The following MAPKAP1 variants were observed in gnomAD, a reference collection of about 807,000 sequenced individuals.
The protein encoded by MAPKAP1 is MAPK associated protein 1.
MAPKAP1 carries 20 observed loss-of-function variants against 65.7 expected under a neutral mutation model. The ratio of observed to expected loss-of-function variants is 0.30; its 90% confidence interval spans 0.21 to 0.44. MAPKAP1 has a LOEUF of 0.44. Among genes scored for constraint, MAPKAP1 ranks in the 20% least tolerant of loss-of-function variants. The pLI is 1.00. For missense variants in MAPKAP1, 423 were observed against 648.0 expected (o/e 0.65, Z 3.77); for synonymous variants, 222 against 244.3 (o/e 0.91, Z 0.85).
rs1176486391 is a variant in MAPKAP1, at chr9:125,439,272, G to A, written c.1444-260C>T. ...CAGTCAGTGAGCGGCGAGCTCTTCA[G>A]GTTCCGGAGCCCATGCTCCCTCCTG... On this transcript the variant is annotated intron_variant, in intron 11 of 11. Transcript: ENST00000265960. The surrounding 1 kb of genome is among the most constrained non-coding windows in gnomAD (Gnocchi z 4.0). 6.6e-6 allele frequency among the ~76,000 whole-genome samples: 1 copy of A among 152,246 alleles called. No individual in the cohort carries two copies. The highest frequency in any genetic ancestry group is 1.5e-5 in the Non-Finnish European group (1 of 68,028).
At chr9:125,596,085 G>C in intron 4 of MAPKAP1, 1 of 1,027,360 alleles carries the variant, frequency 9.7e-7, no homozygotes, top group Non-Finnish European at 1.5e-6. Flanking sequence ...GACTGACCGA[G>C]GCAGTGGCAA....
intron 1 of MAPKAP1, among the ~76,000 whole-genome samples, chr9:125,682,758 C>T (rs1333970849): frequency 2.0e-5 from 3 of 152,036 alleles, no homozygotes; most frequent in South Asian, 2.1e-4. Context: ...GTGAAATTAC[C>T]GGTTTAGGAG....
chr9:125,559,604 C>T, intron 6 of MAPKAP1, 29 bp downstream of exon 6: 1 of 1,575,058 alleles, frequency 6.3e-7, no homozygotes, highest in Non-Finnish European at 8.7e-7. Flanking sequence ...GGATGAGATA[C>T]CGAGAGAAGT....
rs1589333671 is a variant in MAPKAP1 at position 125,605,670 on chromosome 9, T to G, written c.499-19943A>C. Among the ~76,000 whole-genome samples the G allele has an allele frequency of 3.9e-5, 6 of 152,016 alleles. No homozygotes were observed. In the South Asian group the frequency reaches 1.2e-3, roughly 32 times the overall value. On this transcript the variant is annotated intron_variant, in intron 4 of 11. Coordinates refer to ENST00000265960, the MANE Select transcript of MAPKAP1 (RefSeq NM_001006617.3). ...CCACCCTGCCACCCAGAGGCAGAGGTGTCAACTTTGCAGGTGCTGCAGTCA... is the reference window on the plus strand; with the variant it reads ...CCACCCTGCCACCCAGAGGCAGAGGGGTCAACTTTGCAGGTGCTGCAGTCA...
chr9:125,596,099 A>C, intron 4 of MAPKAP1: 1 of 913,632 alleles, frequency 1.1e-6, no homozygotes, highest in Non-Finnish European at 1.8e-6. Context: ...GTGGCAAGAA[A>C]AGGGGACTTG....
chr9:125,582,179 T>C (rs1040973887), intron 5 of MAPKAP1, among the ~76,000 whole-genome samples: 1 of 152,252 alleles, frequency 6.6e-6, no homozygotes, highest in African/African-American at 2.4e-5. Context: ...GTATTTTATA[T>C]TTCCAGTACT....
chr9:125,696,680 T>G (rs533490850), intron 1 of MAPKAP1, among the ~76,000 whole-genome samples: 1 of 152,274 alleles, frequency 6.6e-6, no homozygotes, highest in Admixed American at 6.5e-5. Context: ...CTGAGGACTT[T>G]CCAATGGTAG....
intron 4 of MAPKAP1, among the ~76,000 whole-genome samples, chr9:125,617,278 AAGGAGATCCTGTTGCTAC>A: frequency 6.6e-6 from 1 of 152,296 alleles, no homozygotes; most frequent in South Asian, 2.1e-4. Flanking sequence ...GAGGCAACAA[AAGGAGATCCTGTTGCTAC>A]AAAATTTTTT....
intron 1 of MAPKAP1, among the ~76,000 whole-genome samples, chr9:125,691,764 C>T (rs940468906): frequency 2.0e-5 from 3 of 152,124 alleles, no homozygotes; most frequent in Admixed American, 2.0e-4. Context: ...TAAGCTATTA[C>T]TTTCTTCACT....
intron 4 of MAPKAP1, among the ~76,000 whole-genome samples, chr9:125,648,411 C>A (rs997473727): frequency 2.0e-5 from 3 of 152,234 alleles, no homozygotes; most frequent in Non-Finnish European, 4.4e-5. Flanking sequence ...AATCACAAAA[C>A]TCTGGAATCT....
At chr9:125,527,632 A>C (rs1589259442) in intron 7 of MAPKAP1, among the ~76,000 whole-genome samples, 1 of 152,254 alleles carries the variant, frequency 6.6e-6, no homozygotes, top group East Asian at 1.9e-4. Flanking sequence ...TCTTTCACAC[A>C]CACCCACACG....
Position 125,448,133 on chromosome 9 carries a change from C to T in MAPKAP1, c.1346-3535G>A, listed in dbSNP as rs147075293. Among the ~76,000 whole-genome samples, 122 of 152,156 alleles carry T rather than the reference C, an allele frequency of 8.0e-4. 1 individual carries two copies. Among genetic ancestry groups the T allele is most frequent in the African/African-American group, 2.8e-3 (115 of 41,514 alleles). On this transcript the variant is annotated intron_variant, in intron 10 of 11. Coordinates refer to ENST00000265960, the MANE Select transcript of MAPKAP1 (RefSeq NM_001006617.3). ...GCCTGGAGGCGAGGTAAGCAGTTCC[C>T]GTAGTCAGCCAGGTAGGAGTGAGTG...
At chr9:125,603,831 G>A (rs1167720585) in intron 4 of MAPKAP1, among the ~76,000 whole-genome samples, 1 of 151,926 alleles carries the variant, frequency 6.6e-6, no homozygotes, top group Non-Finnish European at 1.5e-5. Context: ...CTGCTCTCTT[G>A]GGCAGACTCT....
chr9:125,671,590 T>TA (rs555000174), intron 2 of MAPKAP1, among the ~76,000 whole-genome samples: 14 of 147,354 alleles, frequency 9.5e-5, no homozygotes, highest in African/African-American at 2.5e-4. Context: ...TTTGTCTAAG[T>TA]AAAAAAAAAA....
At chr9:125,643,192 G>A (rs1833628461) in intron 4 of MAPKAP1, among the ~76,000 whole-genome samples, 1 of 145,704 alleles carries the variant, frequency 6.9e-6, no homozygotes, top group Non-Finnish European at 1.5e-5. Context: ...GAGCCACCAC[G>A]CCCAGCGTTT....
At chr9:125,642,869 T>C (rs1833618398) in intron 4 of MAPKAP1, among the ~76,000 whole-genome samples, 2 of 152,266 alleles carry the variant, frequency 1.3e-5, no homozygotes, top group South Asian at 4.2e-4. Flanking sequence ...TCCAGCCTAC[T>C]GGTATCAATT....
chr9:125,459,163 TCA>T (rs1240438555), intron 10 of MAPKAP1, among the ~76,000 whole-genome samples: 1 of 147,146 alleles, frequency 6.8e-6, no homozygotes, highest in East Asian at 2.1e-4. Flanking sequence ...GAGGCGCTCC[TCA>T]CATCCCAGAC....
At position 125,523,285 on chromosome 9, in the gene MAPKAP1, C is replaced by T. The variant is rs546304763; in HGVS notation, c.959-16868G>A. Among the ~76,000 whole-genome samples the T allele has an allele frequency of 8.5e-5, 13 of 152,266 alleles. No individual in the cohort carries two copies. The South Asian group carries it at 1.9e-3, about 22-fold the overall frequency. ...GCCCTGCCCTCTGATACTGCCTGCC[C>T]GCCTGGATTTCCTTGTGCATAAATC... On this transcript the variant is annotated intron_variant, in intron 7 of 11. Transcript: ENST00000265960.
At chr9:125,514,241 A>G (rs1000262691) in intron 7 of MAPKAP1, among the ~76,000 whole-genome samples, 3 of 152,036 alleles carry the variant, frequency 2.0e-5, no homozygotes, top group Non-Finnish European at 4.4e-5. Context: ...GGGAGGGTGG[A>G]GCTACCTGTC....
Sources: allele counts gnomAD v4.1 joint callset (sites outside exome capture counted in the v4.1 genomes callset), GRCh38; gene constraint gnomAD v4.1.1; non-coding constraint Gnocchi (gnomAD v3.1); transcripts MANE v1.5; gene names NCBI Gene and HGNC (gene_info 2026-07-23, HGNC 2026-07-21).